Variants in DDX52 observed in about 807,000 individuals in gnomAD.
DDX52 encodes DExD-box helicase 52.
DDX52 carries 59 observed loss-of-function variants against 76.1 expected under a neutral mutation model. That is an observed-to-expected ratio of 0.78 (90% CI 0.63 to 0.96). The LOEUF (loss-of-function observed/expected upper bound fraction) is 0.96, where lower values mean the gene tolerates loss of function less well. Among genes scored for constraint, DDX52 ranks in the 40% least tolerant of loss-of-function variants. The pLI is 0.00. For synonymous variants in DDX52, 231 were observed against 244.1 expected, an observed-to-expected ratio of 0.95 and a Z score of 0.50; for missense variants, 707 against 703.9, an observed-to-expected ratio of 1.00 and a Z score of -0.05.
chr17:37,626,662 A>C (rs915482544), intron 7 of DDX52, 126 bp downstream of exon 7: 11 of 849,970 alleles, frequency 1.3e-5, no homozygotes, highest in Non-Finnish European at 1.9e-5. Context: ...CATTATTCTC[A>C]GTGCCAACAC....
At position 37,630,065 on chromosome 17, in the gene DDX52, G is replaced by A. The variant is rs752081275; in HGVS notation, c.712C>T (p.Leu238=). 6.2e-7 allele frequency: 1 copy of A among 1,613,486 alleles called. No individual in the cohort carries two copies. Among genetic ancestry groups the A allele is most frequent in the African/African-American group, 1.3e-5 (1 of 74,886 alleles). The change falls in exon 5 of 15, where the codon CTG becomes TTG. Residue 238 remains leucine, a synonymous_variant. Transcript: ENST00000617633. ...AGTTCTCGTGTTGGTGATATAATCAGGGCTCTGAAGCCTTTATTTGCGGGT... is the reference window on the plus strand; with the variant it reads ...AGTTCTCGTGTTGGTGATATAATCAAGGCTCTGAAGCCTTTATTTGCGGGT... ...KQPANKGFRA[L]IISPTRELAS... is the part of the protein sequence containing the mutation.
At position 37,628,550 on chromosome 17, in the gene DDX52, G is replaced by GA; in HGVS notation, c.859+10dup. 6.2e-7 allele frequency: 1 copy of GA among 1,600,020 alleles called. No individual in the cohort carries two copies. Among genetic ancestry groups the GA allele is most frequent in the Non-Finnish European group, 8.5e-7 (1 of 1,170,052 alleles). On this transcript the variant is annotated intron_variant, in intron 6 of 14. Transcript: ENST00000617633. Reference sequence around the variant, plus strand: ...CATGCTCTATCTACATCCCATGTATGAATTCCTTACCAAACTTTTTAGATG... The same window carrying GA: ...CATGCTCTATCTACATCCCATGTATGAAATTCCTTACCAAACTTTTTAGATG...
intron 2 of DDX52, among the ~76,000 whole-genome samples, chr17:37,639,979 T>C (rs2031112844): frequency 6.6e-6 from 1 of 152,142 alleles, no homozygotes; most frequent in African/African-American, 2.4e-5. Flanking sequence ...ATGCAAACAA[T>C]GTACTAAATG....
In DDX52 at chr17:37,643,415, G is replaced by T; in HGVS notation, c.6C>A (p.Asp2Glu). 6.2e-7 allele frequency: 1 copy of T among 1,613,876 alleles called. No individual in the cohort carries two copies. Among genetic ancestry groups the T allele is most frequent in the Non-Finnish European group, 8.5e-7 (1 of 1,179,892 alleles). The change falls in exon 1 of 15, where the codon GAC (aspartate) becomes GAA (glutamate). Residue 2 changes from aspartate (D) to glutamate (E), a missense_variant. Physicochemically the swap from Asp to Glu is conservative, Grantham distance 45 (BLOSUM62 2). Transcript: ENST00000617633. M[D>E]VHDLFRRLGA... ...CGAGCCGGCGAAAGAGATCGTGGAC[G>T]TCCATCTTTACCCAGAAAGCGCCAC...
intron 4 of DDX52, 22 bp downstream of exon 4, chr17:37,632,090 GC>G: frequency 6.2e-7 from 1 of 1,612,304 alleles, no homozygotes; most frequent in Non-Finnish European, 8.5e-7. Context: ...AATGTTACAG[GC>G]ATTCTAGATC....
intron 2 of DDX52, chr17:37,639,462 G>A (rs2031084090): frequency 2.0e-6 from 2 of 996,534 alleles, no homozygotes; most frequent in Non-Finnish European, 2.4e-6. Context: ...GCCTGGCTGG[G>A]CGTGGTGGCT....
chr17:37,622,971 G>A (rs2030179205), intron 9 of DDX52, among the ~76,000 whole-genome samples: 1 of 152,162 alleles, frequency 6.6e-6, no homozygotes, highest in African/African-American at 2.4e-5. Context: ...GTGGAAGAGA[G>A]GTTAAGTTGT....
chr17:37,632,791 A>T (rs1185056907), intron 3 of DDX52, among the ~76,000 whole-genome samples: 3 of 152,162 alleles, frequency 2.0e-5, no homozygotes, highest in Non-Finnish European at 4.4e-5. Flanking sequence ...AGCTGAATAC[A>T]CCTCTCCATC....
intron 4 of DDX52, chr17:37,631,629 TTAA>T (rs1456683138): frequency 6.3e-6 from 1 of 159,456 alleles, no homozygotes; most frequent in Non-Finnish European, 1.4e-5. Context: ...AAAGTATACT[TTAA>T]TAATAAAAAG....
In DDX52 at chr17:37,611,188, T is replaced by C. The variant is rs991041271; in HGVS notation, c.*3108A>G. The C allele has an allele frequency of 6.6e-6, 1 of 152,214 alleles. No individual in the cohort carries two copies. Among genetic ancestry groups the C allele is most frequent in the Non-Finnish European group, 1.5e-5 (1 of 68,038 alleles). The allele number at this position is 152,214 out of a possible 1,614,324, so 9.4% of individuals were successfully genotyped here. ...ACATCTAACAGAGCACTTGCCACAC[T>C]AGTCATGTGCTACATGATGATGTTT... On this transcript the variant is annotated 3_prime_UTR_variant, in exon 15 of 15. Transcript: ENST00000617633.
chr17:37,616,213 T>A (rs1258675700), intron 14 of DDX52, among the ~76,000 whole-genome samples: 1 of 152,126 alleles, frequency 6.6e-6, no homozygotes, highest in East Asian at 1.9e-4. Flanking sequence ...ACACAACAGT[T>A]CTGATGTGAC....
At chr17:37,626,726 G>A (rs2030394585) in intron 7 of DDX52, 62 bp downstream of exon 7, 2 of 1,528,340 alleles carry the variant, frequency 1.3e-6, no homozygotes, top group African/African-American at 1.4e-5. Context: ...AAGCAATAGA[G>A]GACAAAATAT....
At chr17:37,634,593 T>C (rs1215036019) in intron 2 of DDX52, among the ~76,000 whole-genome samples, 1 of 151,700 alleles carries the variant, frequency 6.6e-6, no homozygotes, top group Non-Finnish European at 1.5e-5. Flanking sequence ...ATTGTGCCAC[T>C]GCACTCCAGC....
At chr17:37,630,515 G>A (rs972203733) in intron 4 of DDX52, among the ~76,000 whole-genome samples, 2 of 151,866 alleles carry the variant, frequency 1.3e-5, no homozygotes, top group Non-Finnish European at 2.9e-5. Context: ...TTTTGTCCTG[G>A]TATCTGTATT....
intron 4 of DDX52, chr17:37,631,043 T>C (rs74649995): frequency 2.0e-5 from 3 of 152,352 alleles, no homozygotes; most frequent in Non-Finnish European, 2.9e-5. Context: ...ATCATTTAAA[T>C]GTATGAATGT....
At chr17:37,620,061 G>A (rs1357186705) in intron 12 of DDX52, 10 of 441,058 alleles carry the variant, frequency 2.3e-5, no homozygotes, top group Non-Finnish European at 3.6e-5. Context: ...ATAGATAGCA[G>A]CTATTTCAAC....
Position 37,613,318 on chromosome 17 carries a change from A to G in DDX52, c.*978T>C, listed in dbSNP as rs1229897854. ...TAAGTAGAGATCTACTTATTAAATG[A>G]GGCACCATCAACCTAAGGAAAGATA... On this transcript the variant is annotated 3_prime_UTR_variant, in exon 15 of 15. Coordinates refer to ENST00000617633, the MANE Select transcript of DDX52 (RefSeq NM_007010.5). 1 of 152,226 alleles carries G rather than the reference A, an allele frequency of 6.6e-6. No individual in the cohort carries two copies. The highest frequency in any genetic ancestry group is 6.5e-5 in the Admixed American group (1 of 15,284). The allele number at this position is 152,226 out of a possible 1,614,324, so 9.4% of individuals were successfully genotyped here.
Position 37,621,133 on chromosome 17 carries a change from T to G in DDX52, c.1495A>C (p.Arg499=). Residue 499 remains arginine, a synonymous_variant, in exon 11 of 15, where the codon AGG becomes CGG. Transcript: ENST00000617633. ...GAAAAAAAAGACAACTCACCTATCC[T>G]GTGGATATATTCCACTGAGCTAGTT... ...FPTSSVEYIH[R]IGRTGRAGNK... is the part of the protein sequence containing the mutation. 1.2e-6 allele frequency: 2 copies of G among 1,609,760 alleles called. No individual in the cohort carries two copies. The highest frequency in any genetic ancestry group is 2.2e-5 in the East Asian group (1 of 44,858).
intron 4 of DDX52, chr17:37,631,192 A>G (rs1468542936): frequency 1.3e-5 from 2 of 152,230 alleles, no homozygotes; most frequent in African/African-American, 4.8e-5. Context: ...TACAGAAACA[A>G]ACCTCAGAAA....
Sources: gnomAD v4.1 joint callset for allele counts (sites outside exome capture counted in the v4.1 genomes callset) on GRCh38, gnomAD v4.1.1 for gene constraint, MANE v1.5 for transcripts, NCBI Gene and HGNC (gene_info 2026-07-23, HGNC 2026-07-21) for gene names.